Variants in SEC24D observed in about 807,000 individuals in gnomAD.
SEC24D encodes the protein protein transport protein Sec24D.
Under a neutral mutation model 116.9 loss-of-function variants are expected in SEC24D, and 69 were observed. The observed-to-expected ratio is 0.59, with a 90% CI of 0.49 to 0.72. The LOEUF (loss-of-function observed/expected upper bound fraction) is 0.72. Ranked by LOEUF, SEC24D falls within the 30% of genes least tolerant of loss-of-function variation. The pLI, the probability that SEC24D is intolerant of heterozygous loss-of-function variation, is 0.00. For missense variants in SEC24D, 1,131 were observed against 1,264.1 expected, an observed-to-expected ratio of 0.89 and a Z score of 1.60; for synonymous variants, 405 against 442.8, an observed-to-expected ratio of 0.91 and a Z score of 1.07.
chr4:118,779,018 T>C (rs2110484138), intron 8 of SEC24D, among the ~76,000 whole-genome samples: 1 of 152,336 alleles, frequency 6.6e-6, no homozygotes, highest in Non-Finnish European at 1.5e-5. Context: ...ATGATAGAGT[T>C]TTCTAAATAT....
intron 3 of SEC24D, among the ~76,000 whole-genome samples, chr4:118,824,405 C>CA (rs1176051604): frequency 6.6e-6 from 1 of 152,212 alleles, no homozygotes; most frequent in African/African-American, 2.4e-5. Context: ...CTCGACCTCT[C>CA]AAAGTGCTGG....
intron 10 of SEC24D, among the ~76,000 whole-genome samples, chr4:118,762,873 A>T (rs1289128304): frequency 2.6e-5 from 4 of 152,192 alleles, no homozygotes; most frequent in African/African-American, 9.7e-5. Context: ...TGAAGATACT[A>T]AGACTTTTGT....
In SEC24D at chr4:118,723,079, G is replaced by C. The variant is rs1345976416; in HGVS notation, c.*436C>G. ...TAAGTTGAAAAATGTGTTCAATGGA[G>C]TTACATGGTTTTAGAAAATTAAGTA... On this transcript the variant is annotated 3_prime_UTR_variant, in exon 23 of 23. Transcript: ENST00000280551. The C allele has an allele frequency of 2.0e-5, 3 of 152,934 alleles. No individual in the cohort carries two copies. The highest frequency in any genetic ancestry group is 2.9e-5 in the Non-Finnish European group (2 of 68,328). The allele number at this position is 152,934 out of a possible 1,614,324, so 9.5% of individuals were successfully genotyped here.
At chr4:118,794,984 T>C (rs759375262) in intron 8 of SEC24D, among the ~76,000 whole-genome samples, 7 of 152,130 alleles carry the variant, frequency 4.6e-5, no homozygotes, top group Non-Finnish European at 7.4e-5. Flanking sequence ...TATATTGTTA[T>C]ATGCATATTT....
chr4:118,810,128 G>GTT lies in SEC24D; in HGVS notation c.802-4175_802-4174insAA, dbSNP rs1560737225. On this transcript the variant is annotated intron_variant, in intron 6 of 22. Coordinates refer to ENST00000280551, the MANE Select transcript of SEC24D (RefSeq NM_014822.4). ...TGTGTGTGTGTGTGTGTGTGTGTGT[G>GTT]TGTGTGTGTCAGAGGGTATAGGGGA... Among the ~76,000 whole-genome samples the GTT allele has an allele frequency of 2.2e-4, 28 of 125,080 alleles. 3 individuals are homozygous for GTT. Among genetic ancestry groups the GTT allele is most frequent in the African/African-American group, 6.7e-4 (26 of 38,654 alleles). 82.1% of individuals were successfully genotyped at this position (125,080 alleles called of 152,430 possible).
intron 19 of SEC24D, among the ~76,000 whole-genome samples, chr4:118,733,598 C>T (rs1250533208): frequency 2.0e-5 from 3 of 151,938 alleles, no homozygotes; most frequent in African/African-American, 2.4e-5. Flanking sequence ...GCTTGAAGTT[C>T]GCTGGGGATA....
At chr4:118,753,951 C>G (rs1726959295) in intron 11 of SEC24D, 1 of 152,104 alleles carries the variant, frequency 6.6e-6, no homozygotes, top group Non-Finnish European at 1.5e-5. Context: ...TAAAGAGTTA[C>G]TTGAGTACAA....
intron 8 of SEC24D, among the ~76,000 whole-genome samples, chr4:118,775,406 G>A (rs1051634899): frequency 6.6e-6 from 1 of 151,510 alleles, no homozygotes; most frequent in Non-Finnish European, 1.5e-5. Context: ...TTCGCTCAAG[G>A]AAGATATGGG....
At chr4:118,748,421 T>C (rs567158115) in intron 13 of SEC24D, among the ~76,000 whole-genome samples, 20 of 152,322 alleles carry the variant, frequency 1.3e-4, no homozygotes, top group African/African-American at 3.4e-4. Flanking sequence ...CACAATTATA[T>C]AGTCTTTTAT....
rs568641814 is a variant in SEC24D, at chr4:118,771,972, C to T, written c.1042-3661G>A. On this transcript the variant is annotated intron_variant, in intron 8 of 22. Coordinates refer to ENST00000280551, the MANE Select transcript of SEC24D (RefSeq NM_014822.4). ...TGGCAGAACATCATAAACAAGAGCT[C>T]TTTTTAAAGCTCTTTTCAATTTAGA... Among the ~76,000 whole-genome samples the T allele has an allele frequency of 2.0e-5, 3 of 152,216 alleles. No homozygotes were observed. In the East Asian group the frequency reaches 5.8e-4, roughly 29 times the overall value.
intron 8 of SEC24D, among the ~76,000 whole-genome samples, chr4:118,777,729 A>G (rs1373410401): frequency 6.6e-6 from 1 of 152,252 alleles, no homozygotes; most frequent in Non-Finnish European, 1.5e-5. Context: ...TCCCACCAAC[A>G]GTGTAAAAGC....
chr4:118,732,099 C>T (rs1032930842), intron 20 of SEC24D, among the ~76,000 whole-genome samples: 5 of 151,978 alleles, frequency 3.3e-5, no homozygotes, highest in Non-Finnish European at 7.4e-5. Flanking sequence ...GATGGGAAAT[C>T]CTGGAGTGTT....
intron 8 of SEC24D, among the ~76,000 whole-genome samples, chr4:118,791,504 T>G (rs1728893173): frequency 6.6e-6 from 1 of 152,080 alleles, no homozygotes; most frequent in Non-Finnish European, 1.5e-5. Flanking sequence ...TTTTTAAAAT[T>G]TATAGCTCTC....
chr4:118,756,829 G>A (rs781409463), intron 11 of SEC24D, among the ~76,000 whole-genome samples: 40 of 152,000 alleles, frequency 2.6e-4, no homozygotes, highest in Non-Finnish European at 1.2e-4. Flanking sequence ...AAATAGCCAC[G>A]TTTGATATTA....
intron 7 of SEC24D, among the ~76,000 whole-genome samples, chr4:118,803,368 T>A (rs963960996): frequency 6.6e-6 from 1 of 152,218 alleles, no homozygotes; most frequent in Non-Finnish European, 1.5e-5. Context: ...TCTCTCCCAC[T>A]ACCGTACTTC....
intron 7 of SEC24D, among the ~76,000 whole-genome samples, chr4:118,799,086 G>A (rs1729310369): frequency 6.6e-6 from 1 of 152,260 alleles, no homozygotes; most frequent in Admixed American, 6.5e-5. Flanking sequence ...GTGGGGAAGA[G>A]TAGAACCAGG....
chr4:118,765,125 C>A (rs1015038410), intron 9 of SEC24D, among the ~76,000 whole-genome samples: 1 of 152,032 alleles, frequency 6.6e-6, no homozygotes, highest in African/African-American at 2.4e-5. Flanking sequence ...TTATTGATGA[C>A]AAAGAACATT....
chr4:118,752,238 T>C (rs779046173), intron 12 of SEC24D, 149 bp from the exon 13 acceptor site: 26 of 595,152 alleles, frequency 4.4e-5, no homozygotes, highest in Middle Eastern at 3.5e-4. Context: ...GGAAATGATA[T>C]CTTAGCGTGG....
chr4:118,805,251 G>C (rs538745701), intron 7 of SEC24D, among the ~76,000 whole-genome samples: 2 of 152,288 alleles, frequency 1.3e-5, no homozygotes, highest in Non-Finnish European at 2.9e-5. Flanking sequence ...TTCTAGGATT[G>C]AGTACATGAT....
Sources: gnomAD v4.1 joint callset for allele counts (sites outside exome capture counted in the v4.1 genomes callset) on GRCh38, gnomAD v4.1.1 for gene constraint, MANE v1.5 for transcripts, NCBI Gene and HGNC (gene_info 2026-07-23, HGNC 2026-07-21) for gene names.